Variants in KMT2C observed in about 807,000 individuals in gnomAD.
KMT2C encodes lysine methyltransferase 2C, also known as histone-lysine N-methyltransferase 2C.
In KMT2C, 88 loss-of-function variants were observed where a neutral mutation model predicts 507.9. That is an observed-to-expected ratio of 0.17 (90% CI 0.15 to 0.21). The LOEUF (loss-of-function observed/expected upper bound fraction) is 0.21. KMT2C is among the 10% of genes least tolerant of loss of function. KMT2C has a pLI of 1.00. For synonymous variants in KMT2C, 2,049 were observed against 2,080.8 expected, an observed-to-expected ratio of 0.98 and a Z score of 0.42; for missense variants, 4,954 against 5,957.8, an observed-to-expected ratio of 0.83 and a Z score of 5.55.
chr7:152,262,911 A>T (rs561079146), intron 9 of KMT2C, 105 bp downstream of exon 9: 61 of 757,646 alleles, frequency 8.1e-5, no homozygotes, highest in Non-Finnish European at 1.3e-4. Flanking sequence ...CTGTTTTTAA[A>T]AAGCTGATGG....
rs1282916781 is a variant in KMT2C, at chr7:152,280,752, T to C, written c.850-6885A>G. Among the ~76,000 whole-genome samples, 8 of 152,320 alleles carry C rather than the reference T, an allele frequency of 5.3e-5. No homozygotes were observed. The East Asian group carries it at 1.5e-3, about 29-fold the overall frequency. ...ATGGATGCTGTTTTAAGATATTAAG[T>C]TTATGGTAATTGCTTTATTGTAACA... On this transcript the variant is annotated intron_variant, in intron 6 of 58. Coordinates refer to ENST00000262189, the MANE Select transcript of KMT2C (RefSeq NM_170606.3).
chr7:152,366,099 G>C lies in KMT2C; in HGVS notation c.162-7424C>G, dbSNP rs529702522. Among the ~76,000 whole-genome samples, 3 of 152,296 alleles carry C rather than the reference G, an allele frequency of 2.0e-5. No homozygotes were observed. The South Asian group carries it at 6.2e-4, about 32-fold the overall frequency. On this transcript the variant is annotated intron_variant, in intron 1 of 58. Coordinates refer to ENST00000262189, the MANE Select transcript of KMT2C (RefSeq NM_170606.3). ...AAAAATAAAAAAAAGAATAACAAAT[G>C]TTGGCAAGGACGTGGAGAAACTGAA...
intron 1 of KMT2C, among the ~76,000 whole-genome samples, chr7:152,428,465 A>C (rs1589988646): frequency 6.7e-6 from 1 of 148,758 alleles, no homozygotes; most frequent in East Asian, 2.0e-4. Flanking sequence ...ATACAAAAAA[A>C]AAAAAAAAAA....
chr7:152,332,851 AACAC>A (rs35781658), intron 2 of KMT2C, among the ~76,000 whole-genome samples: 630 of 138,586 alleles, frequency 4.5e-3, no homozygotes, highest in East Asian at 7.4e-3. Flanking sequence ...TGCGTCTCAA[AACAC>A]ACACACACAC....
intron 1 of KMT2C, among the ~76,000 whole-genome samples, chr7:152,364,686 AAAG>A (rs2097224713): frequency 6.6e-6 from 1 of 152,082 alleles, no homozygotes; most frequent in Admixed American, 6.5e-5. Flanking sequence ...AGAAATGACA[AAAG>A]AAGATCATTA....
At chr7:152,325,113 A>C (rs2096814699) in intron 3 of KMT2C, among the ~76,000 whole-genome samples, 1 of 151,784 alleles carries the variant, frequency 6.6e-6, no homozygotes, top group South Asian at 2.1e-4. Flanking sequence ...ATTTTTCATG[A>C]AAAGTTGTAA....
chr7:152,268,673 A>G (rs541590928), intron 7 of KMT2C, among the ~76,000 whole-genome samples: 1 of 152,352 alleles, frequency 6.6e-6, no homozygotes, highest in South Asian at 2.1e-4. Flanking sequence ...ATCTTTCAAA[A>G]TATGTACATT....
At chr7:152,430,184 G>GAAAAAAAAAAAAA (rs59960992) in intron 1 of KMT2C, among the ~76,000 whole-genome samples, 5 of 87,130 alleles carry the variant, frequency 5.7e-5, no homozygotes, top group Non-Finnish European at 4.9e-5. Context: ...TCAAAAAAAA[G>GAAAAAAAAAAAAA]AAAAAAAAAA....
At chr7:152,269,539 A>G (rs544879703) in intron 7 of KMT2C, among the ~76,000 whole-genome samples, 9 of 152,344 alleles carry the variant, frequency 5.9e-5, no homozygotes, top group African/African-American at 1.9e-4. Flanking sequence ...GTTTAAAGCA[A>G]TAATCAACTA....
At chr7:152,214,614 A>T (rs2094528685) in intron 23 of KMT2C, among the ~76,000 whole-genome samples, 2 of 152,238 alleles carry the variant, frequency 1.3e-5, no homozygotes, top group South Asian at 4.1e-4. Context: ...ACAATGGAAT[A>T]GTTAGCTTTA....
Position 152,435,855 on chromosome 7 carries a change from G to A in KMT2C, c.-69C>T, listed in dbSNP as rs1462542103. 1.7e-6 allele frequency: 2 copies of A among 1,168,682 alleles called. No individual in the cohort carries two copies. Among genetic ancestry groups the A allele is most frequent in the Non-Finnish European group, 1.1e-6 (1 of 903,844 alleles). The allele number at this position is 1,168,682 out of a possible 1,614,324, so 72.4% of individuals were successfully genotyped here. ...GGGGGCTCCCGCCGCCGCGGCCGCCGCCGCCGCCGCTGCTGCTCGGGTTCC... is the reference window on the plus strand; with the variant it reads ...GGGGGCTCCCGCCGCCGCGGCCGCCACCGCCGCCGCTGCTGCTCGGGTTCC... On this transcript the variant is annotated 5_prime_UTR_variant, in exon 1 of 59. Coordinates refer to ENST00000262189, the MANE Select transcript of KMT2C (RefSeq NM_170606.3).
At chr7:152,221,006 G>A (rs1360459314) in intron 22 of KMT2C, among the ~76,000 whole-genome samples, 1 of 152,190 alleles carries the variant, frequency 6.6e-6, no homozygotes, top group Non-Finnish European at 1.5e-5. Context: ...TGTAATCCCA[G>A]CACTTTGGGG....
At chr7:152,152,573 G>A (rs1453283426) in intron 49 of KMT2C, 132 bp downstream of exon 49, 2 of 1,084,898 alleles carry the variant, frequency 1.8e-6, no homozygotes, top group Non-Finnish European at 2.7e-6. Context: ...ACCCACACAT[G>A]GTAAGTTCAC....
At chr7:152,349,041 C>T (rs554621711) in intron 2 of KMT2C, among the ~76,000 whole-genome samples, 2 of 152,278 alleles carry the variant, frequency 1.3e-5, no homozygotes, top group East Asian at 3.9e-4. Flanking sequence ...ACTGCCAAAA[C>T]CAGGGTGCAA....
chr7:152,393,524 C>G (rs2097516576), intron 1 of KMT2C, among the ~76,000 whole-genome samples: 1 of 152,166 alleles, frequency 6.6e-6, no homozygotes, highest in Non-Finnish European at 1.5e-5. Flanking sequence ...GAGTCCACTT[C>G]CCATTATCAT....
chr7:152,182,324 C>T lies in KMT2C; in HGVS notation c.5536G>A (p.Val1846Met), dbSNP rs61730537. ...STPTSTSSDD[V>M]FVKPQAPPPP... The stretch of plus-strand genomic sequence containing the variant: ...GGTGGAGCTTGTGGCTTTACAAACA[C>T]ATCATCTGAAGATGTAGACGTAGGG... The change falls in exon 36 of 59, where the codon GTG becomes ATG. Residue 1846 changes from valine (V) to methionine (M), a missense_variant. Coordinates refer to ENST00000262189, the MANE Select transcript of KMT2C (RefSeq NM_170606.3). 74 of 1,614,008 alleles carry T rather than the reference C, an allele frequency of 4.6e-5. No homozygotes were observed. Among genetic ancestry groups the T allele is most frequent in the Non-Finnish European group, 5.5e-5 (65 of 1,180,010 alleles).
intron 5 of KMT2C, among the ~76,000 whole-genome samples, chr7:152,311,378 T>C (rs1233062473): frequency 6.6e-6 from 1 of 152,136 alleles, no homozygotes; most frequent in Non-Finnish European, 1.5e-5. Context: ...TAGCACCATA[T>C]CATGAGTGCT....
At chr7:152,428,705 A>G (rs2097843825) in intron 1 of KMT2C, among the ~76,000 whole-genome samples, 1 of 152,124 alleles carries the variant, frequency 6.6e-6, no homozygotes. Context: ...CATCTCAAAT[A>G]GCAACCATCA....
chr7:152,247,829 C>G (rs2129163622), intron 14 of KMT2C, 73 bp downstream of exon 14: 2 of 1,213,810 alleles, frequency 1.6e-6, no homozygotes, highest in Non-Finnish European at 2.4e-6. Flanking sequence ...CACACCAAAG[C>G]TACACATATA....
Sources: gnomAD v4.1 joint callset for allele counts (sites outside exome capture counted in the v4.1 genomes callset) on GRCh38, gnomAD v4.1.1 for gene constraint, MANE v1.5 for transcripts, NCBI Gene and HGNC (gene_info 2026-07-23, HGNC 2026-07-21) for gene names.